PARD3: variants seen among roughly 807,000 people sequenced by gnomAD.
The protein encoded by PARD3 is par-3 family cell polarity regulator.
A neutral mutation model predicts 155.4 loss-of-function variants in PARD3; 75 were observed. The ratio of observed to expected loss-of-function variants is 0.48; its 90% confidence interval spans 0.40 to 0.58. The LOEUF is 0.58. Among genes scored for constraint, PARD3 ranks in the 20% least tolerant of loss-of-function variants. The pLI is 0.00. For synonymous variants in PARD3, 576 were observed against 610.5 expected (o/e 0.94, Z 0.83); for missense variants, 1,642 against 1,721.7 (o/e 0.95, Z 0.82).
intron 1 of PARD3, among the ~76,000 whole-genome samples, chr10:34,794,000 G>C (rs899311726): frequency 6.6e-6 from 1 of 152,064 alleles, no homozygotes; most frequent in Non-Finnish European, 1.5e-5. Flanking sequence ...TTACTCAAAG[G>C]ATAAGCTCTA....
At chr10:34,783,333 A>G (rs1052263185) in intron 1 of PARD3, among the ~76,000 whole-genome samples, 10 of 152,192 alleles carry the variant, frequency 6.6e-5, no homozygotes, top group African/African-American at 1.9e-4. Context: ...GGCCAGGCAC[A>G]GTGGCTCACG....
At chr10:34,215,977 A>G (rs1001855276) in intron 22 of PARD3, among the ~76,000 whole-genome samples, 4 of 152,244 alleles carry the variant, frequency 2.6e-5, no homozygotes, top group African/African-American at 9.6e-5. Context: ...TAGTATTTAG[A>G]AAAATAATTG....
In PARD3 at chr10:34,160,558, T is replaced by C. The variant is rs536964738; in HGVS notation, c.3420-28975A>G. On this transcript the variant is annotated intron_variant, in intron 22 of 24. Coordinates refer to ENST00000374788, the MANE Select transcript of PARD3 (RefSeq NM_001184785.2). ...TAGATCTAACACAGTGAATAATTGC[T>C]GTGCAAGTCACACTACATTTTACAG... is the stretch of plus-strand genomic sequence containing the variant. Among the ~76,000 whole-genome samples, 19 of 152,374 alleles carry C rather than the reference T, an allele frequency of 1.2e-4. No homozygotes were observed. In the East Asian group the frequency reaches 3.5e-3, roughly 28 times the overall value.
intron 2 of PARD3, among the ~76,000 whole-genome samples, chr10:34,662,871 G>GGAAAAAA (rs2093357759): frequency 8.1e-6 from 1 of 123,632 alleles, no homozygotes; most frequent in African/African-American, 3.0e-5. Context: ...AACTGTCTCA[G>GGAAAAAA]AAAAAAAAAA....
At chr10:34,194,425 C>T (rs1266854506) in intron 22 of PARD3, among the ~76,000 whole-genome samples, 1 of 152,070 alleles carries the variant, frequency 6.6e-6, no homozygotes, top group East Asian at 1.9e-4. Flanking sequence ...CCCTGTGCCT[C>T]ACTCCTCCTG....
intron 22 of PARD3, among the ~76,000 whole-genome samples, chr10:34,134,755 G>A (rs1487168358): frequency 6.6e-6 from 1 of 152,156 alleles, no homozygotes; most frequent in Non-Finnish European, 1.5e-5. Context: ...TTTTCATGAT[G>A]GATGATGATT....
chr10:34,192,055 T>C (rs1487507862), intron 22 of PARD3, among the ~76,000 whole-genome samples: 3 of 150,764 alleles, frequency 2.0e-5, no homozygotes, highest in East Asian at 3.9e-4. Context: ...TTCTGAAAAC[T>C]AGCAAAAACC....
chr10:34,262,230 C>G (rs1489827009), intron 22 of PARD3, among the ~76,000 whole-genome samples: 1 of 151,776 alleles, frequency 6.6e-6, no homozygotes, highest in Non-Finnish European at 1.5e-5. Flanking sequence ...AGAAAAACCA[C>G]TGTTTTAGAA....
At chr10:34,536,471 G>A (rs1039832701) in intron 2 of PARD3, among the ~76,000 whole-genome samples, 4 of 152,258 alleles carry the variant, frequency 2.6e-5, no homozygotes, top group African/African-American at 4.8e-5. Flanking sequence ...ATCCAAGTGG[G>A]AAAAGGCCTA....
At chr10:34,643,172 G>A (rs1451412522) in intron 2 of PARD3, among the ~76,000 whole-genome samples, 3 of 152,220 alleles carry the variant, frequency 2.0e-5, no homozygotes, top group Non-Finnish European at 4.4e-5. Context: ...GTCACTCAGC[G>A]TCTGCTGGCT....
At chr10:34,111,598 G>A in intron 24 of PARD3, 36 bp from the exon 25 acceptor site, 1 of 1,538,960 alleles carries the variant, frequency 6.5e-7, no homozygotes, top group East Asian at 2.3e-5. Context: ...TGTGAGGGTA[G>A]GAAGAAGGAG....
chr10:34,451,093 G>A (rs1464327070), intron 4 of PARD3, among the ~76,000 whole-genome samples: 4 of 152,126 alleles, frequency 2.6e-5, no homozygotes, highest in Non-Finnish European at 4.4e-5. Flanking sequence ...AACAAGCGAT[G>A]TCTTTACATA....
At chr10:34,811,039 G>C (rs1844089243) in intron 1 of PARD3, among the ~76,000 whole-genome samples, 1 of 152,122 alleles carries the variant, frequency 6.6e-6, no homozygotes, top group Non-Finnish European at 1.5e-5. Flanking sequence ...TGGGAACAGT[G>C]AGCAAAGGGG....
At position 34,291,531 on chromosome 10, in the gene PARD3, G is replaced by A. The variant is rs75521406; in HGVS notation, c.3066-7286C>T. ...TTTATCTCATTGATTCCCACAACCA[G>A]CATGCAAGACAGGTGTTATCATCCT... On this transcript the variant is annotated intron_variant, in intron 20 of 24. Transcript: ENST00000374788. Among the ~76,000 whole-genome samples the A allele has an allele frequency of 7.9e-3, 1,197 of 152,248 alleles. 22 individuals carry two copies. The highest frequency in any genetic ancestry group is 0.027 in the African/African-American group (1,140 of 41,540).
chr10:34,132,209 T>G (rs963087311), intron 22 of PARD3, among the ~76,000 whole-genome samples: 6 of 152,338 alleles, frequency 3.9e-5, no homozygotes, highest in Middle Eastern at 3.4e-3. Flanking sequence ...GTAGTTTCAT[T>G]TAACCATCTA....
At chr10:34,542,012 GAC>G (rs1350951872) in intron 2 of PARD3, among the ~76,000 whole-genome samples, 1 of 152,036 alleles carries the variant, frequency 6.6e-6, no homozygotes, top group Non-Finnish European at 1.5e-5. Context: ...GAGTAGCTGA[GAC>G]ACAGGCAAGC....
intron 21 of PARD3, among the ~76,000 whole-genome samples, chr10:34,275,712 T>C (rs1348220015): frequency 2.0e-5 from 3 of 152,184 alleles, no homozygotes; most frequent in Non-Finnish European, 4.4e-5. Flanking sequence ...AAAACATGTT[T>C]GGTGTCCTCA....
At chr10:34,485,725 A>C (rs1342990901) in intron 3 of PARD3, among the ~76,000 whole-genome samples, 1 of 152,118 alleles carries the variant, frequency 6.6e-6, no homozygotes, top group East Asian at 1.9e-4. Flanking sequence ...ATAGATGGTA[A>C]ATGATTTTTA....
chr10:34,455,626 T>A (rs1430546259), intron 4 of PARD3, among the ~76,000 whole-genome samples: 1 of 152,012 alleles, frequency 6.6e-6, no homozygotes, highest in African/African-American at 2.4e-5. Context: ...ATAAAATGAC[T>A]CACACACACA....
Sources: gnomAD v4.1 joint callset for allele counts (sites outside exome capture counted in the v4.1 genomes callset) on GRCh38, gnomAD v4.1.1 for gene constraint, MANE v1.5 for transcripts, NCBI Gene and HGNC (gene_info 2026-07-23, HGNC 2026-07-21) for gene names.